Variants in HS3ST4 observed in about 807,000 individuals in gnomAD.
HS3ST4 encodes the protein heparan sulfate glucosamine 3-O-sulfotransferase 4.
In HS3ST4, 17 loss-of-function variants were observed where a neutral mutation model predicts 29.2. The observed-to-expected ratio is 0.58, with a 90% CI of 0.40 to 0.87. The LOEUF is 0.87. Among genes scored for constraint, HS3ST4 ranks in the 40% least tolerant of loss-of-function variants. The probability of loss-of-function intolerance (pLI) is 0.00; values close to 1 mark genes in which losing one functional copy is unlikely to be tolerated. For missense variants in HS3ST4, 627 were observed against 634.5 expected, an observed-to-expected ratio of 0.99 and a Z score of 0.13; for synonymous variants, 314 against 285.7, an observed-to-expected ratio of 1.10 and a Z score of -1.00.
chr16:25,759,241 A>G (rs1015362258), intron 1 of HS3ST4, among the ~76,000 whole-genome samples: 3 of 152,234 alleles, frequency 2.0e-5, no homozygotes, highest in East Asian at 3.9e-4. Flanking sequence ...GTTAGAAACA[A>G]CTTACTCTGC....
intron 1 of HS3ST4, among the ~76,000 whole-genome samples, chr16:25,870,478 C>T (rs1000547661): frequency 6.6e-6 from 1 of 152,018 alleles, no homozygotes; most frequent in Non-Finnish European, 1.5e-5. Flanking sequence ...AATAGTTGTC[C>T]TTAGGAAAAA....
chr16:25,906,869 G>A (rs999565405), intron 1 of HS3ST4, among the ~76,000 whole-genome samples: 1 of 152,166 alleles, frequency 6.6e-6, no homozygotes, highest in Admixed American at 6.6e-5. Flanking sequence ...TCAAGCAATA[G>A]AGAGACAGGA....
chr16:26,104,057 A>T (rs1302793979), intron 1 of HS3ST4, among the ~76,000 whole-genome samples: 1 of 152,242 alleles, frequency 6.6e-6, no homozygotes, highest in Non-Finnish European at 1.5e-5. Context: ...GACTGTATTT[A>T]GAACTCCCTA....
intron 1 of HS3ST4, among the ~76,000 whole-genome samples, chr16:25,955,895 A>C (rs910414246): frequency 8.6e-5 from 13 of 150,560 alleles, no homozygotes; most frequent in African/African-American, 2.7e-4. Context: ...GCTCACTGCA[A>C]CCTCCACCTC....
At chr16:25,772,159 A>C (rs965235324) in intron 1 of HS3ST4, among the ~76,000 whole-genome samples, 1 of 152,252 alleles carries the variant, frequency 6.6e-6, no homozygotes, top group Admixed American at 6.5e-5. Context: ...CCCTTATTGT[A>C]GAGTATTCTT....
At chr16:25,893,925 T>G (rs1968035145) in intron 1 of HS3ST4, among the ~76,000 whole-genome samples, 1 of 152,190 alleles carries the variant, frequency 6.6e-6, no homozygotes. Context: ...CTTCACTACT[T>G]ATCAGGCCAG....
intron 1 of HS3ST4, among the ~76,000 whole-genome samples, chr16:25,878,299 G>C (rs9923580): frequency 6.6e-6 from 1 of 151,860 alleles, no homozygotes; most frequent in Admixed American, 6.6e-5. Context: ...CGATCTTCCA[G>C]GTCTTCCAGT....
chr16:25,966,215 TA>T (rs1402493692), intron 1 of HS3ST4, among the ~76,000 whole-genome samples: 1 of 152,124 alleles, frequency 6.6e-6, no homozygotes, highest in African/African-American at 2.4e-5. Flanking sequence ...TGGAAAACAA[TA>T]GAGCTGGCTG....
chr16:26,026,784 G>T lies in HS3ST4; in HGVS notation c.735-108828G>T, dbSNP rs913618714. Among the ~76,000 whole-genome samples the T allele has an allele frequency of 3.3e-5, 5 of 152,164 alleles. No homozygotes were observed. The East Asian group carries it at 7.7e-4, about 23-fold the overall frequency. ...ATTGTTTTGGACCAATCAGATGTAC[G>T]CTCTGAGTCTGATATGAGAAATGGC... On this transcript the variant is annotated intron_variant, in intron 1 of 1. Coordinates refer to ENST00000331351, the MANE Select transcript of HS3ST4 (RefSeq NM_006040.3).
chr16:26,056,911 T>C (rs895170195), intron 1 of HS3ST4, among the ~76,000 whole-genome samples: 1 of 152,228 alleles, frequency 6.6e-6, no homozygotes, highest in Non-Finnish European at 1.5e-5. Flanking sequence ...ATTGTACAGG[T>C]ATACTTTGTG....
At chr16:25,819,823 C>G (rs1221608742) in intron 1 of HS3ST4, among the ~76,000 whole-genome samples, 2 of 151,216 alleles carry the variant, frequency 1.3e-5, no homozygotes, top group Non-Finnish European at 2.9e-5. Context: ...TCAGTTTGGC[C>G]AACATGGTGA....
chr16:26,133,745 C>A (rs570063927), intron 1 of HS3ST4, among the ~76,000 whole-genome samples: 2 of 152,300 alleles, frequency 1.3e-5, no homozygotes, highest in African/African-American at 4.8e-5. Context: ...TCTCCACACA[C>A]GCGATAGTAA....
At chr16:25,883,763 G>T (rs1967918406) in intron 1 of HS3ST4, among the ~76,000 whole-genome samples, 2 of 152,166 alleles carry the variant, frequency 1.3e-5, no homozygotes, top group Non-Finnish European at 2.9e-5. Flanking sequence ...CCATTTTGCA[G>T]ATGGGAAAAC....
At chr16:26,043,167 C>G (rs746863048) in intron 1 of HS3ST4, among the ~76,000 whole-genome samples, 184 of 152,238 alleles carry the variant, frequency 1.2e-3, no homozygotes, top group Non-Finnish European at 1.9e-3. Flanking sequence ...ATTGAAACTG[C>G]ACAGTGCAAG....
chr16:26,112,439 G>C (rs144162513), intron 1 of HS3ST4, among the ~76,000 whole-genome samples: 347 of 142,332 alleles, frequency 2.4e-3, no homozygotes, highest in African/African-American at 8.9e-3. Context: ...CTGGAGTGCA[G>C]TGACACGACC....
At chr16:25,913,612 T>G (rs1968260612) in intron 1 of HS3ST4, among the ~76,000 whole-genome samples, 1 of 152,262 alleles carries the variant, frequency 6.6e-6, no homozygotes, top group African/African-American at 2.4e-5. Context: ...AGGTGACATG[T>G]TAACTCTTGA....
chr16:26,072,312 T>A (rs1160108704), intron 1 of HS3ST4, among the ~76,000 whole-genome samples: 1 of 152,170 alleles, frequency 6.6e-6, no homozygotes, highest in Non-Finnish European at 1.5e-5. Context: ...AGCAAGCCAA[T>A]CTAGAAGAGG....
At chr16:25,710,219 T>C (rs1180400821) in intron 1 of HS3ST4, among the ~76,000 whole-genome samples, 1 of 152,322 alleles carries the variant, frequency 6.6e-6, no homozygotes, top group Middle Eastern at 3.4e-3. Context: ...AAAATATATG[T>C]ATATCTGTCC....
chr16:26,014,007 AAAATAAAT>A (rs142700276), intron 1 of HS3ST4, among the ~76,000 whole-genome samples: 39 of 145,648 alleles, frequency 2.7e-4, no homozygotes, highest in Middle Eastern at 3.6e-3. Context: ...ACTCTGTCTC[AAAATAAAT>A]AAATAAATAA....
Sources: allele counts gnomAD v4.1 joint callset (sites outside exome capture counted in the v4.1 genomes callset), GRCh38; gene constraint gnomAD v4.1.1; transcripts MANE v1.5; gene names NCBI Gene and HGNC (gene_info 2026-07-23, HGNC 2026-07-21).